Variants in COL4A4 observed in about 807,000 individuals in gnomAD.
The protein encoded by COL4A4 is collagen alpha-4(IV) chain.
Under a neutral mutation model 192.9 loss-of-function variants are expected in COL4A4, and 105 were observed. The observed-to-expected ratio is 0.54, with a 90% CI of 0.46 to 0.64. The LOEUF (loss-of-function observed/expected upper bound fraction) is 0.64. Ranked by LOEUF, COL4A4 falls within the 30% of genes least tolerant of loss-of-function variation. The pLI is 0.00. For synonymous variants in COL4A4, 762 were observed against 769.9 expected, an observed-to-expected ratio of 0.99 and a Z score of 0.17; for missense variants, 1,967 against 2,169.3, an observed-to-expected ratio of 0.91 and a Z score of 1.85.
At chr2:227,115,269 CTT>C (rs1187419564) in intron 7 of COL4A4, among the ~76,000 whole-genome samples, 45 of 123,900 alleles carry the variant, frequency 3.6e-4, no homozygotes, top group East Asian at 4.9e-4. Flanking sequence ...TACTTTAATT[CTT>C]TTTTTTTTTT....
chr2:227,105,490 A>G (rs559228988), intron 12 of COL4A4, among the ~76,000 whole-genome samples: 35 of 152,338 alleles, frequency 2.3e-4, no homozygotes, highest in African/African-American at 7.9e-4. Flanking sequence ...GTGATGTATT[A>G]AGCCATCTCA....
chr2:226,987,241 G>A, the COL4A4 span, among the ~76,000 whole-genome samples: 14 of 152,086 alleles, frequency 9.2e-5, no homozygotes, highest in African/African-American at 3.1e-4. Flanking sequence ...GGCTTATAAC[G>A]AGATGACAGG....
intron 25 of COL4A4, 138 bp downstream of exon 25, chr2:227,077,756 G>T: frequency 1.3e-6 from 1 of 746,156 alleles, no homozygotes. Context: ...AAATCTACAC[G>T]TTAGGTAAAA....
At chr2:227,024,395 CCAG>C (rs1559435743) in intron 43 of COL4A4, among the ~76,000 whole-genome samples, 1 of 152,186 alleles carries the variant, frequency 6.6e-6, no homozygotes, top group East Asian at 1.9e-4. Context: ...GCCTGTAATC[CCAG>C]CTACCTGGGA....
At position 227,159,789 on chromosome 2, in the gene COL4A4, GAATTGTGAGTC is replaced by G. The variant is rs767367762; in HGVS notation, c.-102+4207_-102+4217del. Among the ~76,000 whole-genome samples the G allele has an allele frequency of 3.7e-4, 57 of 152,334 alleles. No individual in the cohort carries two copies. The East Asian group carries it at 0.01, about 27-fold the overall frequency. On this transcript the variant is annotated intron_variant, in intron 1 of 47. Transcript: ENST00000396625. ...TTCCTGAGGCCTCCCCAGCCATGCA[GAATTGTGAGTC>G]AATTAAGCCTCTTTTCTTTATAAAT...
chr2:227,151,419 C>A (rs911672920), intron 1 of COL4A4, among the ~76,000 whole-genome samples: 7 of 152,068 alleles, frequency 4.6e-5, no homozygotes, highest in Non-Finnish European at 8.8e-5. Flanking sequence ...TATTTCGTAT[C>A]AGCTTATGTA....
chr2:227,156,960 G>A (rs2064401343), intron 1 of COL4A4, among the ~76,000 whole-genome samples: 3 of 152,080 alleles, frequency 2.0e-5, no homozygotes, highest in Admixed American at 2.0e-4. Context: ...CAGAAGATCT[G>A]AACAACACTA....
intron 25 of COL4A4, among the ~76,000 whole-genome samples, chr2:227,076,050 G>A (rs1045616234): frequency 6.6e-6 from 1 of 152,094 alleles, no homozygotes; most frequent in Admixed American, 6.6e-5. Context: ...TCATGAAAAT[G>A]GCCATACTGC....
intron 1 of COL4A4, among the ~76,000 whole-genome samples, chr2:227,152,328 C>T (rs2064006404): frequency 6.6e-6 from 1 of 152,224 alleles, no homozygotes; most frequent in Admixed American, 6.5e-5. Context: ...AAAGGATATA[C>T]ATGACAATTG....
chr2:227,030,689 A>G, intron 40 of COL4A4, 91 bp from the exon 41 acceptor site: 3 of 970,620 alleles, frequency 3.1e-6, no homozygotes, highest in Non-Finnish European at 4.5e-6. Flanking sequence ...AAACAATTCA[A>G]TGACTTGCAA....
At chr2:227,060,270 G>C (rs1184516355) in intron 26 of COL4A4, 27 bp from the exon 27 acceptor site, 3 of 1,487,270 alleles carry the variant, frequency 2.0e-6, no homozygotes, top group Non-Finnish European at 2.8e-6. Context: ...ACAAAACACA[G>C]ACTCAATAAA....
intron 23 of COL4A4, 151 bp downstream of exon 23, chr2:227,081,964 C>A (rs2059350104): frequency 4.0e-6 from 3 of 752,276 alleles, no homozygotes. Context: ...TTCATACAAC[C>A]TTATGAAGGG....
At chr2:227,101,442 A>G in intron 17 of COL4A4, 62 bp downstream of exon 17, 1 of 1,261,646 alleles carries the variant, frequency 7.9e-7, no homozygotes, top group Non-Finnish European at 1.1e-6. Context: ...CTAAAAATAA[A>G]TTAGATAATA....
In COL4A4 at chr2:227,093,903, C is replaced by G. The variant is rs1484646561; in HGVS notation, c.1369+222G>C. The stretch of plus-strand genomic sequence containing the variant: ...TTAAAAAAAATTGGTATTATTTTAC[C>G]AAGTTCTATCATTTACACTGAAACT... On this transcript the variant is annotated intron_variant, in intron 20 of 47. Transcript: ENST00000396625. Among the ~76,000 whole-genome samples, 3 of 152,084 alleles carry G rather than the reference C, an allele frequency of 2.0e-5. No homozygotes were observed. The East Asian group carries it at 5.8e-4, about 29-fold the overall frequency.
chr2:227,121,092 T>TC lies in COL4A4; in HGVS notation c.248dup (p.Pro84ThrfsTer26). ...CTTTCTCTCCTGAAAGCCCAATGGG[T>TC]CCTGGGGCTCCCAGGGGTCCAATTG... is the stretch of plus-strand genomic sequence containing the variant. On this transcript the variant is annotated frameshift_variant, in exon 5 of 48. Transcript: ENST00000396625. LOFTEE classifies it high-confidence loss of function. 6.2e-7 allele frequency: 1 copy of TC among 1,614,044 alleles called. No individual in the cohort carries two copies. Among genetic ancestry groups the TC allele is most frequent in the Non-Finnish European group, 8.5e-7 (1 of 1,179,952 alleles).
intron 1 of COL4A4, among the ~76,000 whole-genome samples, chr2:227,155,781 C>T (rs757333290): frequency 6.6e-6 from 1 of 152,250 alleles, no homozygotes; most frequent in East Asian, 1.9e-4. Context: ...TCTCTGTGCT[C>T]ATGGTTACTG....
intron 17 of COL4A4, 72 bp downstream of exon 17, chr2:227,101,431 TC>T (rs2060516287): frequency 8.2e-7 from 1 of 1,225,148 alleles, no homozygotes; most frequent in Non-Finnish European, 1.1e-6. Flanking sequence ...TGGCAATACT[TC>T]TAAAAATAAA....
At chr2:226,992,321 T>C in the COL4A4 span, among the ~76,000 whole-genome samples, 1 of 152,202 alleles carries the variant, frequency 6.6e-6, no homozygotes, top group African/African-American at 2.4e-5. Flanking sequence ...AAATAAGTTT[T>C]TATGCTTAAA....
intron 16 of COL4A4, 141 bp from the exon 17 acceptor site, chr2:227,101,698 C>G: frequency 1.8e-6 from 2 of 1,092,900 alleles, no homozygotes; most frequent in Non-Finnish European, 2.7e-6. Context: ...ATCAGACAAT[C>G]TTGTGCTTCA....
Sources: gnomAD v4.1 joint callset for allele counts (sites outside exome capture counted in the v4.1 genomes callset) on GRCh38, gnomAD v4.1.1 for gene constraint, MANE v1.5 for transcripts, NCBI Gene and HGNC (gene_info 2026-07-23, HGNC 2026-07-21) for gene names.